BBS9: variants seen among roughly 807,000 people sequenced by gnomAD.
The protein encoded by BBS9 is Bardet-Biedl syndrome 9.
Under a neutral mutation model 117.7 loss-of-function variants are expected in BBS9, and 89 were observed. That is an observed-to-expected ratio of 0.76 (90% CI 0.64 to 0.90). The LOEUF is 0.90. Ranked by LOEUF, BBS9 falls within the 40% of genes least tolerant of loss-of-function variation. The pLI is 0.00. For missense variants in BBS9, 982 were observed against 1,042.2 expected, an observed-to-expected ratio of 0.94 and a Z score of 0.80; for synonymous variants, 379 against 370.9, an observed-to-expected ratio of 1.02 and a Z score of -0.25.
rs549264155 is a variant in BBS9 at position 33,294,521 on chromosome 7, A to G, written c.1016+20565A>G. Among the ~76,000 whole-genome samples the G allele has an allele frequency of 7.2e-5, 11 of 152,290 alleles. No individual in the cohort carries two copies. The South Asian group carries it at 2.3e-3, about 32-fold the overall frequency. On this transcript the variant is annotated intron_variant, in intron 9 of 22. Transcript: ENST00000242067. ...CTCCAGTTAATTTAAGACAGTGGGC[A>G]TTATTAATAGGCAGCATCTGCCCTC...
intron 21 of BBS9, among the ~76,000 whole-genome samples, chr7:33,600,990 G>A (rs931925333): frequency 4.6e-5 from 7 of 152,172 alleles, no homozygotes; most frequent in African/African-American, 1.7e-4. Context: ...AACTTCCTTG[G>A]AGGTGAGGAG....
intron 5 of BBS9, among the ~76,000 whole-genome samples, chr7:33,256,584 A>G (rs2128311213): frequency 1.3e-5 from 2 of 152,106 alleles, no homozygotes; most frequent in South Asian, 2.1e-4. Context: ...AGTATCATCT[A>G]TTTCTATGCA....
chr7:33,248,393 AGG>A (rs1424476283), intron 5 of BBS9, among the ~76,000 whole-genome samples: 6 of 152,174 alleles, frequency 3.9e-5, no homozygotes, highest in Non-Finnish European at 8.8e-5. Flanking sequence ...ACAGAATATG[AGG>A]GAGAGAGTAA....
chr7:33,336,745 G>A, intron 10 of BBS9, 123 bp downstream of exon 10: 1 of 720,276 alleles, frequency 1.4e-6, no homozygotes. Context: ...AATCATATTT[G>A]TAAAAACAGT....
chr7:33,224,078 A>G (rs1466397937), intron 5 of BBS9, among the ~76,000 whole-genome samples: 1 of 152,206 alleles, frequency 6.6e-6, no homozygotes, highest in East Asian at 1.9e-4. Flanking sequence ...TTTTGTGATT[A>G]GTCAGATTTG....
chr7:33,248,125 A>T (rs1400889451), intron 5 of BBS9, among the ~76,000 whole-genome samples: 3 of 152,188 alleles, frequency 2.0e-5, no homozygotes, highest in African/African-American at 7.2e-5. Context: ...ATTTTCTTGT[A>T]TCTTAAAGCA....
chr7:33,547,957 G>A (rs1292648173), intron 21 of BBS9, among the ~76,000 whole-genome samples: 1 of 152,164 alleles, frequency 6.6e-6, no homozygotes, highest in Non-Finnish European at 1.5e-5. Context: ...GACAGAAGAA[G>A]CAATTAGGAG....
At chr7:33,480,094 T>C (rs898404459) in intron 19 of BBS9, among the ~76,000 whole-genome samples, 14 of 152,166 alleles carry the variant, frequency 9.2e-5, no homozygotes, top group Non-Finnish European at 2.1e-4. Flanking sequence ...ACAGCATTGT[T>C]TTCATATAGC....
chr7:33,556,181 C>T (rs532797871), intron 21 of BBS9, among the ~76,000 whole-genome samples: 12 of 152,290 alleles, frequency 7.9e-5, no homozygotes, highest in East Asian at 1.9e-4. Flanking sequence ...GTCTCTCTCA[C>T]GGCAATAGGA....
At chr7:33,546,301 A>G (rs1853360724) in intron 21 of BBS9, among the ~76,000 whole-genome samples, 1 of 152,170 alleles carries the variant, frequency 6.6e-6, no homozygotes, top group Admixed American at 6.5e-5. Context: ...TTAAAAAGCT[A>G]CATACTTAAC....
intron 9 of BBS9, among the ~76,000 whole-genome samples, chr7:33,287,257 T>G (rs1330514344): frequency 6.6e-6 from 1 of 152,238 alleles, no homozygotes; most frequent in Non-Finnish European, 1.5e-5. Context: ...TCTTAATTTC[T>G]ACAAAGAGCT....
intron 5 of BBS9, among the ~76,000 whole-genome samples, chr7:33,203,179 G>C (rs1167813126): frequency 2.0e-5 from 3 of 152,122 alleles, no homozygotes; most frequent in African/African-American, 4.8e-5. Flanking sequence ...GAATCACACA[G>C]AATTTGGGAA....
rs200044450 is a variant in BBS9, at chr7:33,569,407, G to GTGTGTGTATATATATATATATATA, written c.2521+35232_2521+35233insGTGTGTATATATATATATATATAT. 3.2e-4 allele frequency among the ~76,000 whole-genome samples: 48 copies of GTGTGTGTATATATATATATATATA among 149,612 alleles called. 2 individuals are homozygous for GTGTGTGTATATATATATATATATA. In the South Asian group the frequency reaches 0.01, roughly 32 times the overall value. The stretch of plus-strand genomic sequence containing the variant: ...CATGGTTTTTAGTATATACAGATGT[G>GTGTGTGTATATATATATATATATA]TATATATATATAGTAGCATACAGAC... On this transcript the variant is annotated intron_variant, in intron 21 of 22. Coordinates refer to ENST00000242067, the MANE Select transcript of BBS9 (RefSeq NM_198428.3).
intron 21 of BBS9, among the ~76,000 whole-genome samples, chr7:33,573,431 A>G (rs1585312811): frequency 6.6e-6 from 1 of 151,906 alleles, no homozygotes; most frequent in African/African-American, 2.4e-5. Flanking sequence ...TTGCACTTTG[A>G]TTTTGCAGGG....
intron 9 of BBS9, among the ~76,000 whole-genome samples, chr7:33,330,662 A>T (rs1288596353): frequency 6.6e-6 from 1 of 152,194 alleles, no homozygotes; most frequent in Non-Finnish European, 1.5e-5. Flanking sequence ...TTACTGAGTG[A>T]TAGAATCATT....
chr7:33,134,859 G>C (rs904072949), intron 1 of BBS9, among the ~76,000 whole-genome samples: 1 of 152,126 alleles, frequency 6.6e-6, no homozygotes, highest in South Asian at 2.1e-4. Context: ...GCCTCCCAAA[G>C]TGTTGGGATT....
At chr7:33,364,852 C>T (rs1053388913) in intron 16 of BBS9, among the ~76,000 whole-genome samples, 1 of 151,166 alleles carries the variant, frequency 6.6e-6, no homozygotes, top group Middle Eastern at 3.4e-3. Context: ...CCTCAGCCTC[C>T]CAAGTAGCTG....
chr7:33,435,717 A>G (rs147564047), intron 19 of BBS9, among the ~76,000 whole-genome samples: 1 of 152,354 alleles, frequency 6.6e-6, no homozygotes, highest in African/African-American at 2.4e-5. Context: ...TGAAGATAAT[A>G]TTCACAAAAT....
chr7:33,550,485 T>C (rs1352087709), intron 21 of BBS9, among the ~76,000 whole-genome samples: 1 of 152,224 alleles, frequency 6.6e-6, no homozygotes, highest in Admixed American at 6.5e-5. Flanking sequence ...GGCCTATTCC[T>C]CTGGCTTAGG....
Sources: allele counts gnomAD v4.1 joint callset (sites outside exome capture counted in the v4.1 genomes callset), GRCh38; gene constraint gnomAD v4.1.1; transcripts MANE v1.5; gene names NCBI Gene and HGNC (gene_info 2026-07-23, HGNC 2026-07-21).